The following TRPV2 variants were observed in gnomAD, a reference collection of about 807,000 sequenced individuals.
The protein encoded by TRPV2 is OTRPC2.
In TRPV2, 58 loss-of-function variants were observed where a neutral mutation model predicts 91.0. That is an observed-to-expected ratio of 0.64 (90% CI 0.52 to 0.79). The LOEUF is 0.79. TRPV2 is among the 30% of genes least tolerant of loss of function. The pLI is 0.00. For synonymous variants in TRPV2, 417 were observed against 414.8 expected (o/e 1.01, Z -0.06); for missense variants, 807 against 969.6 (o/e 0.83, Z 2.23).
At chr17:16,417,158 C>T (rs2093334683) in intron 1 of TRPV2, among the ~76,000 whole-genome samples, 1 of 152,180 alleles carries the variant, frequency 6.6e-6, no homozygotes, top group South Asian at 2.1e-4. Flanking sequence ...GGCCCACTTC[C>T]CCTGCATTGG....
At position 16,423,583 on chromosome 17, in the gene TRPV2, CAG is replaced by C; in HGVS notation, c.741_742del (p.Val248ProfsTer13). 1 of 1,614,254 alleles carries C rather than the reference CAG, an allele frequency of 6.2e-7. No homozygotes were observed. The highest frequency in any genetic ancestry group is 1.1e-5 in the South Asian group (1 of 91,086). On this transcript the variant is annotated frameshift_variant, in exon 5 of 15. Coordinates refer to ENST00000338560, the MANE Select transcript of TRPV2 (RefSeq NM_016113.5). LOFTEE classifies it high-confidence loss of function. ...CAGGCCACTGACTCCCAGGGCAACA[CAG>C]TCCTGCATGCCCTAGTGATGATCTC...
rs188686108 is a variant in TRPV2, at chr17:16,423,356, G to A, written c.626-113G>A. On this transcript the variant is annotated intron_variant, in intron 4 of 14. Coordinates refer to ENST00000338560, the MANE Select transcript of TRPV2 (RefSeq NM_016113.5). ...GGCCCCTGTTCTGCTCCCTTCAGTG[G>A]TAAAGAAGCCTGACCTGTTTCAAGG... 220 of 1,260,118 alleles carry A rather than the reference G, an allele frequency of 1.7e-4. 1 individual carries two copies. The Admixed American group carries it at 5.8e-3, about 33-fold the overall frequency. The allele number at this position is 1,260,118 out of a possible 1,614,324, so 78.1% of individuals were successfully genotyped here. A position where few individuals can be genotyped will look rare whatever the true frequency, so the allele number is the denominator to read the frequency against.
At chr17:16,421,272 C>T (rs2093355269) in intron 3 of TRPV2, among the ~76,000 whole-genome samples, 1 of 150,918 alleles carries the variant, frequency 6.6e-6, no homozygotes, top group Non-Finnish European at 1.5e-5. Flanking sequence ...TACAGTGGTG[C>T]GATCTCAGTT....
chr17:16,419,256 C>G (rs1054475783), intron 2 of TRPV2: 3 of 465,962 alleles, frequency 6.4e-6, no homozygotes, highest in African/African-American at 6.1e-5. Flanking sequence ...ATGACTCATG[C>G]CCTTCCCACT....
Position 16,417,720 on chromosome 17 carries a change from G to A in TRPV2, c.52G>A (p.Gly18Ser). Residue 18 changes from glycine (G) to serine (S), a missense_variant, in exon 2 of 15, where the codon GGC becomes AGC. By Grantham distance (56) the Gly-to-Ser change is moderately conservative. Transcript: ENST00000338560. ...TTTCAGGTTGGAGACATTAGATGGA[G>A]GCCAAGAAGATGGCTCTGAGGCGGA... The part of the protein sequence containing the change: ...PVFRLETLDG[G>S]QEDGSEADRG... 6.2e-7 allele frequency: 1 copy of A among 1,614,192 alleles called. No homozygotes were observed. The highest frequency in any genetic ancestry group is 1.6e-4 in the Middle Eastern group (1 of 6,062).
At chr17:16,417,364 C>A (rs919944352) in intron 1 of TRPV2, among the ~76,000 whole-genome samples, 198 bp from the exon 2 acceptor site, 1 of 151,808 alleles carries the variant, frequency 6.6e-6, no homozygotes, top group African/African-American at 2.4e-5. Flanking sequence ...CCTCACCCTC[C>A]CTAGTAGCTG....
At chr17:16,432,348 G>C (rs373968572) in intron 12 of TRPV2, 48 bp downstream of exon 12, 22 of 1,546,324 alleles carry the variant, frequency 1.4e-5, no homozygotes, top group Non-Finnish European at 1.9e-5. Flanking sequence ...ACACTCAGGC[G>C]GTGGGGAGTG....
chr17:16,420,070 C>A (rs957601466), intron 2 of TRPV2, 45 bp from the exon 3 acceptor site: 1 of 1,593,920 alleles, frequency 6.3e-7, no homozygotes, highest in Admixed American at 1.7e-5. Context: ...TTGGGGGGGC[C>A]TGTGGTTCTT....
chr17:16,419,321 C>T, intron 2 of TRPV2: 1 of 471,048 alleles, frequency 2.1e-6, no homozygotes. Flanking sequence ...CAGATCCCTT[C>T]CGGGGTCTGT....
Position 16,426,246 on chromosome 17 carries a change from A to G in TRPV2, c.1072A>G (p.Ile358Val), listed in dbSNP as rs746947677. 5 of 1,614,012 alleles carry G rather than the reference A, an allele frequency of 3.1e-6. 1 individual carries two copies. The South Asian group carries it at 4.4e-5, about 14-fold the overall frequency. ...SCEENSVLEI[I>V]AFHCKSPHRH... ...TGAGGAGAACTCAGTGCTGGAGATC[A>G]TTGCCTTTCATTGCAAGAGCCCGGT... The change falls in exon 6 of 15, where the codon ATT becomes GTT. Residue 358 changes from isoleucine to valine, a missense_variant. Physicochemically the swap from Ile to Val is conservative, Grantham distance 29. Transcript: ENST00000338560. This position sits in a 1 kb window ranked among gnomAD's most constrained non-coding sequence, Gnocchi z 6.0.
Position 16,430,610 on chromosome 17 carries a change from C to G in TRPV2, c.1588-1174C>G, listed in dbSNP as rs543909123. ...AAGCGATTCTCCTGCCTCAGCCTCCCGAGTAGCTGGGACTACAGGCATGTG... is the reference window on the plus strand; with the variant it reads ...AAGCGATTCTCCTGCCTCAGCCTCCGGAGTAGCTGGGACTACAGGCATGTG... On this transcript the variant is annotated intron_variant, in intron 10 of 14. Transcript: ENST00000338560. Among the ~76,000 whole-genome samples the G allele has an allele frequency of 3.3e-3, 495 of 151,982 alleles. 2 individuals carry two copies. The highest frequency in any genetic ancestry group is 0.011 in the African/African-American group (456 of 41,442).
At chr17:16,434,058 A>G (rs1240001721) in intron 13 of TRPV2, among the ~76,000 whole-genome samples, 4 of 151,996 alleles carry the variant, frequency 2.6e-5, no homozygotes, top group Admixed American at 2.6e-4. Flanking sequence ...CCCCACCCCC[A>G]ATTCTGCCAG....
chr17:16,426,795 AG>A lies in TRPV2; in HGVS notation c.1170del (p.Lys390AsnfsTer4). ...LQAKWDLLIPKFFLNFLCNLI... is the reference protein window; with the variant it reads ...LQAKWDLLIPXFFLNFLCNLI... Reference sequence around the variant, plus strand: ...GCGAAATGGGATCTGCTCATCCCCAAGTTCTTCTTAAACTTCCTGTGTAATC... The same window carrying A: ...GCGAAATGGGATCTGCTCATCCCCAATTCTTCTTAAACTTCCTGTGTAATC... On this transcript the variant is annotated frameshift_variant, in exon 7 of 15. Transcript: ENST00000338560. LOFTEE classifies it high-confidence loss of function. This position sits in a 1 kb window ranked among gnomAD's most constrained non-coding sequence, Gnocchi z 6.0. 6.2e-7 allele frequency: 1 copy of A among 1,614,028 alleles called. No individual in the cohort carries two copies. The highest frequency in any genetic ancestry group is 8.5e-7 in the Non-Finnish European group (1 of 1,180,002).
Position 16,426,019 on chromosome 17 carries a change from T to A in TRPV2, c.925-80T>A. ...CTGCAGACCGTGGGCAGCTGCTGAG[T>A]CCTGGGTGTTTCCCAGCCTTGGCCC... is the stretch of plus-strand genomic sequence containing the variant. On this transcript the variant is annotated intron_variant, in intron 5 of 14. Transcript: ENST00000338560. This position sits in a 1 kb window ranked among gnomAD's most constrained non-coding sequence, Gnocchi z 6.0. The A allele has an allele frequency of 1.3e-6, 2 of 1,537,972 alleles. No homozygotes were observed. Among genetic ancestry groups the A allele is most frequent in the East Asian group, 2.3e-5 (1 of 44,388 alleles).
At chr17:16,430,487 CTTTT>C (rs576176898) in intron 10 of TRPV2, among the ~76,000 whole-genome samples, 1 of 80,468 alleles carries the variant, frequency 1.2e-5, no homozygotes, top group African/African-American at 3.0e-5. Context: ...AAATGCCTTC[CTTTT>C]TTTTTTTTTT....
intron 3 of TRPV2, among the ~76,000 whole-genome samples, chr17:16,422,147 AAAAAC>A (rs2093360596): frequency 1.3e-5 from 2 of 151,870 alleles, no homozygotes; most frequent in South Asian, 4.2e-4. Flanking sequence ...GCTGAAAACA[AAAAAC>A]AAAACAAAAC....
intron 9 of TRPV2, 100 bp downstream of exon 9, chr17:16,428,487 G>A (rs1357219604): frequency 1.4e-5 from 18 of 1,292,582 alleles, no homozygotes; most frequent in African/African-American, 2.9e-5. Context: ...GCGAGGACAC[G>A]GGGCCCAGGA....
intron 10 of TRPV2, 22 bp from the exon 11 acceptor site, chr17:16,431,762 C>T (rs370427677): frequency 3.1e-6 from 5 of 1,613,018 alleles, no homozygotes; most frequent in South Asian, 1.1e-5. Context: ...CCCACCCTGG[C>T]CCCTGGGCAC....
Position 16,428,352 on chromosome 17 carries a change from G to C in TRPV2, c.1386G>C (p.Trp462Cys). 2 of 1,614,214 alleles carry C rather than the reference G, an allele frequency of 1.2e-6. No homozygotes were observed. Among genetic ancestry groups the C allele is most frequent in the Middle Eastern group, 1.6e-4 (1 of 6,062 alleles). Residue 462 changes from tryptophan to cysteine, a missense_variant, in exon 9 of 15, where the codon TGG (tryptophan) becomes TGC (cysteine). By Grantham distance (215) the Trp-to-Cys change is radical. Coordinates refer to ENST00000338560, the MANE Select transcript of TRPV2 (RefSeq NM_016113.5). Reference sequence around the variant, plus strand: ...TCTGGCGGCGCCACGTGTTCATCTGGATCTCGTTCATAGACAGCTACTTTG... The same window carrying C: ...TCTGGCGGCGCCACGTGTTCATCTGCATCTCGTTCATAGACAGCTACTTTG... ...WYFWRRHVFI[W>C]ISFIDSYFEI...
Sources: gnomAD v4.1 joint callset for allele counts (sites outside exome capture counted in the v4.1 genomes callset) on GRCh38, gnomAD v4.1.1 for gene constraint, Gnocchi (gnomAD v3.1) non-coding constraint, MANE v1.5 for transcripts, NCBI Gene and HGNC (gene_info 2026-07-23, HGNC 2026-07-21) for gene names.